Variants in SHISAL1 observed in about 807,000 individuals in gnomAD.
SHISAL1 encodes the protein protein shisa-like-1.
In SHISAL1, 9 loss-of-function variants were observed where a neutral mutation model predicts 22.6. That is an observed-to-expected ratio of 0.40 (90% CI 0.24 to 0.70). The LOEUF (loss-of-function observed/expected upper bound fraction) is 0.70. Among genes scored for constraint, SHISAL1 ranks in the 30% least tolerant of loss-of-function variants. The probability of loss-of-function intolerance (pLI) is 0.39; values close to 1 mark genes in which losing one functional copy is unlikely to be tolerated. For synonymous variants in SHISAL1, 119 were observed against 115.4 expected, an observed-to-expected ratio of 1.03 and a Z score of -0.20; for missense variants, 246 against 270.6, an observed-to-expected ratio of 0.91 and a Z score of 0.64.
chr22:44,300,803 T>G (rs1015524955), intron 2 of SHISAL1, 76 bp downstream of exon 2: 25 of 1,299,422 alleles, frequency 1.9e-5, no homozygotes, highest in Non-Finnish European at 2.7e-5. Flanking sequence ...GAACCCCAGA[T>G]GGGCCAGCAC....
At chr22:44,307,064 CCT>C (rs944123214) in intron 1 of SHISAL1, among the ~76,000 whole-genome samples, 8 of 152,194 alleles carry the variant, frequency 5.3e-5, no homozygotes, top group African/African-American at 1.9e-4. Context: ...GACAACATCC[CCT>C]GAGGGGCCCC....
At chr22:44,305,983 G>A (rs760234941) in intron 1 of SHISAL1, among the ~76,000 whole-genome samples, 4 of 152,354 alleles carry the variant, frequency 2.6e-5, no homozygotes, top group South Asian at 4.1e-4. Flanking sequence ...ATAACCCGCC[G>A]TGCGTCACGA....
intron 4 of SHISAL1, among the ~76,000 whole-genome samples, chr22:44,282,163 C>T (rs1246222610): frequency 2.0e-5 from 3 of 152,118 alleles, no homozygotes; most frequent in Admixed American, 1.3e-4. Flanking sequence ...GAGGCTGTGC[C>T]GGCCTCCGCT....
chr22:44,284,539 T>G (rs769932951), intron 4 of SHISAL1, among the ~76,000 whole-genome samples: 1 of 152,128 alleles, frequency 6.6e-6, no homozygotes, highest in East Asian at 1.9e-4. Context: ...TATCATGATG[T>G]CCCTGGATGA....
At chr22:44,266,344 T>TGGATGG (rs926757922) in intron 4 of SHISAL1, among the ~76,000 whole-genome samples, 5 of 150,006 alleles carry the variant, frequency 3.3e-5, no homozygotes, top group Non-Finnish European at 5.9e-5. Context: ...GCCACCTAGA[T>TGGATGG]GGATGGGGAT....
At chr22:44,298,953 G>A (rs1242789813) in intron 2 of SHISAL1, among the ~76,000 whole-genome samples, 1 of 152,200 alleles carries the variant, frequency 6.6e-6, no homozygotes, top group Admixed American at 6.5e-5. Context: ...CGGGACAACC[G>A]GGTGGGAGTC....
chr22:44,331,188 G>A, the SHISAL1 span, among the ~76,000 whole-genome samples: 1 of 151,894 alleles, frequency 6.6e-6, no homozygotes, highest in Non-Finnish European at 1.5e-5. The surrounding 1 kb of genome is among the most constrained non-coding windows in gnomAD (Gnocchi z 5.2). Flanking sequence ...GCGCCGGCGC[G>A]GACCCCAGTG....
chr22:44,298,523 C>A (rs1005565499), intron 2 of SHISAL1, among the ~76,000 whole-genome samples: 1 of 152,260 alleles, frequency 6.6e-6, no homozygotes, highest in South Asian at 2.1e-4. Context: ...CAGTTCCGGT[C>A]ACTGTCTGGG....
At position 44,246,317 on chromosome 22, in the gene SHISAL1, C is replaced by A. The variant is rs2055000536; in HGVS notation, c.*3368G>T. ...ACAAACGCGGTAGTTCTGCAAACAG[C>A]CTCGAATGCAGATTCCTCTGTGGAC... On this transcript the variant is annotated 3_prime_UTR_variant, in exon 5 of 5. Transcript: ENST00000381176. The A allele has an allele frequency of 6.6e-6, 1 of 152,232 alleles. No homozygotes were observed. The highest frequency in any genetic ancestry group is 2.4e-5 in the African/African-American group (1 of 41,438). The allele number at this position is 152,232 out of a possible 1,614,324, so 9.4% of individuals were successfully genotyped here.
chr22:44,303,803 C>T (rs889327315), intron 1 of SHISAL1, among the ~76,000 whole-genome samples: 5 of 152,144 alleles, frequency 3.3e-5, no homozygotes, highest in African/African-American at 1.2e-4. Flanking sequence ...GCCTGGAGAG[C>T]CCCGAATCCC....
At chr22:44,327,235 G>T in the SHISAL1 span, among the ~76,000 whole-genome samples, 186 of 107,900 alleles carry the variant, frequency 1.7e-3, no homozygotes, top group African/African-American at 7.5e-3. Flanking sequence ...GAGAGTGGGG[G>T]GCGCGCACAC....
chr22:44,304,060 C>A (rs1453936403), intron 1 of SHISAL1, among the ~76,000 whole-genome samples: 1 of 152,210 alleles, frequency 6.6e-6, no homozygotes, highest in African/African-American at 2.4e-5. Context: ...GAAACAAGCC[C>A]CTCTGCATGC....
chr22:44,325,334 C>T, the SHISAL1 span, among the ~76,000 whole-genome samples: 3 of 152,046 alleles, frequency 2.0e-5, no homozygotes, highest in African/African-American at 7.2e-5. Flanking sequence ...TGCCAGGCTT[C>T]CTGCAAATGG....
intron 4 of SHISAL1, among the ~76,000 whole-genome samples, chr22:44,282,847 C>T (rs9614420): frequency 0.18 from 27,199 of 152,018 alleles, 2,478 homozygotes; most frequent in South Asian, 0.24. Flanking sequence ...CCGCAGAGGG[C>T]GTTTGTAATG....
chr22:44,250,968 AGT>A (rs2147266233), intron 4 of SHISAL1, among the ~76,000 whole-genome samples: 1 of 152,316 alleles, frequency 6.6e-6, no homozygotes, highest in South Asian at 2.1e-4. Flanking sequence ...CCTTTGCATT[AGT>A]GGGAATGTGT....
intron 4 of SHISAL1, among the ~76,000 whole-genome samples, chr22:44,283,593 G>C (rs1355972043): frequency 6.6e-6 from 1 of 152,228 alleles, no homozygotes; most frequent in Non-Finnish European, 1.5e-5. Flanking sequence ...CAGGAAAACA[G>C]CACCCAGGTG....
intron 4 of SHISAL1, among the ~76,000 whole-genome samples, chr22:44,265,075 C>T (rs367593305): frequency 3.7e-4 from 57 of 152,286 alleles, no homozygotes; most frequent in African/African-American, 1.3e-3. Flanking sequence ...CTGTAAAATG[C>T]GGCTGCTCAC....
chr22:44,275,730 G>C lies in SHISAL1; in HGVS notation c.599+9698C>G, dbSNP rs188951622. Reference sequence around the variant, plus strand: ...GTGCAGTTCCCAGCAATCTCTCTCCGAGCCTTGGTGTCTCCTTCATAAAAT... The same window carrying C: ...GTGCAGTTCCCAGCAATCTCTCTCCCAGCCTTGGTGTCTCCTTCATAAAAT... On this transcript the variant is annotated intron_variant, in intron 4 of 4. Transcript: ENST00000381176. 3.4e-3 allele frequency among the ~76,000 whole-genome samples: 524 copies of C among 152,264 alleles called. 2 individuals carry two copies. The highest frequency in any genetic ancestry group is 6.0e-3 in the Non-Finnish European group (409 of 68,012).
At chr22:44,294,086 G>A (rs1353387646) in intron 3 of SHISAL1, among the ~76,000 whole-genome samples, 3 of 152,246 alleles carry the variant, frequency 2.0e-5, no homozygotes, top group African/African-American at 4.8e-5. Context: ...CTTGCAGCAT[G>A]ACAGGGTCCT....
Sources: gnomAD v4.1 joint callset for allele counts (sites outside exome capture counted in the v4.1 genomes callset) on GRCh38, gnomAD v4.1.1 for gene constraint, Gnocchi (gnomAD v3.1) non-coding constraint, MANE v1.5 for transcripts, NCBI Gene and HGNC (gene_info 2026-07-23, HGNC 2026-07-21) for gene names.